CSMD3: variants seen among roughly 807,000 people sequenced by gnomAD.
CSMD3 encodes CUB and Sushi multiple domains 3.
Under a neutral mutation model 435.2 loss-of-function variants are expected in CSMD3, and 177 were observed. That is an observed-to-expected ratio of 0.41 (90% CI 0.36 to 0.46). CSMD3 has a LOEUF of 0.46. Among genes scored for constraint, CSMD3 ranks in the 20% least tolerant of loss-of-function variants. The probability of loss-of-function intolerance (pLI) is 0.34; values close to 1 mark genes in which losing one functional copy is unlikely to be tolerated. For synonymous variants in CSMD3, 1,656 were observed against 1,520.5 expected (o/e 1.09, Z -2.07); for missense variants, 4,265 against 4,504.6 (o/e 0.95, Z 1.52).
intron 35 of CSMD3, among the ~76,000 whole-genome samples, chr8:112,394,769 T>G (rs912697646): frequency 6.6e-6 from 1 of 152,352 alleles, no homozygotes; most frequent in East Asian, 1.9e-4. Flanking sequence ...AAGAATATAT[T>G]TCTTGATGAC....
chr8:112,731,215 C>G (rs1030217882), intron 13 of CSMD3, among the ~76,000 whole-genome samples: 21 of 152,054 alleles, frequency 1.4e-4, no homozygotes, highest in Admixed American at 6.6e-5. Context: ...TAGATCTACA[C>G]TAAAAGGAAA....
intron 4 of CSMD3, among the ~76,000 whole-genome samples, chr8:113,164,099 A>T (rs182713190): frequency 6.6e-6 from 1 of 152,040 alleles, no homozygotes. Context: ...GTGTAAGAAA[A>T]ATAAAAGCTA....
chr8:112,387,369 AAC>A (rs929160659), intron 36 of CSMD3, among the ~76,000 whole-genome samples: 5 of 152,110 alleles, frequency 3.3e-5, no homozygotes, highest in Non-Finnish European at 5.9e-5. Context: ...TATTTGGCCC[AAC>A]AGAGAAAAAT....
intron 13 of CSMD3, among the ~76,000 whole-genome samples, chr8:112,764,324 T>C (rs187245468): frequency 4.4e-4 from 67 of 151,566 alleles, no homozygotes; most frequent in Admixed American, 2.8e-3. Flanking sequence ...TATGATTCTT[T>C]GGAGTTTTAA....
At chr8:113,322,059 T>C (rs1490027610) in intron 1 of CSMD3, among the ~76,000 whole-genome samples, 2 of 151,912 alleles carry the variant, frequency 1.3e-5, no homozygotes, top group Non-Finnish European at 2.9e-5. Context: ...ACATGAAAAA[T>C]TTAATAATTA....
At chr8:112,364,986 A>G (rs1827625365) in intron 38 of CSMD3, among the ~76,000 whole-genome samples, 1 of 152,112 alleles carries the variant, frequency 6.6e-6, no homozygotes, top group African/African-American at 2.4e-5. Context: ...TCACAAGACT[A>G]TGTAACCAAT....
chr8:112,344,762 ATATAT>A (rs567581222), intron 41 of CSMD3, among the ~76,000 whole-genome samples: 15 of 152,286 alleles, frequency 9.8e-5, no homozygotes, highest in East Asian at 7.7e-4. Flanking sequence ...ATTAAATATG[ATATAT>A]TATGTAATGT....
intron 13 of CSMD3, among the ~76,000 whole-genome samples, chr8:112,756,289 G>T (rs942069712): frequency 6.6e-6 from 1 of 152,156 alleles, no homozygotes; most frequent in Non-Finnish European, 1.5e-5. Flanking sequence ...CCTACCAGGT[G>T]CTTGGACCAA....
At chr8:112,338,629 T>C (rs1824799455) in intron 42 of CSMD3, among the ~76,000 whole-genome samples, 1 of 151,326 alleles carries the variant, frequency 6.6e-6, no homozygotes, top group Non-Finnish European at 1.5e-5. Flanking sequence ...CGAAGTTAAA[T>C]AAACTATCCT....
At chr8:113,206,035 T>C (rs1161822240) in intron 3 of CSMD3, among the ~76,000 whole-genome samples, 3 of 152,154 alleles carry the variant, frequency 2.0e-5, no homozygotes, top group Non-Finnish European at 4.4e-5. Flanking sequence ...CCTTTGTTTA[T>C]ATGTTATCAA....
chr8:112,860,409 G>GA (rs751186178), intron 10 of CSMD3, among the ~76,000 whole-genome samples: 6 of 151,396 alleles, frequency 4.0e-5, no homozygotes, highest in East Asian at 1.9e-4. Context: ...ATTTTGTATA[G>GA]AAAAAATAAT....
At chr8:112,530,637 C>T (rs1043660108) in intron 27 of CSMD3, among the ~76,000 whole-genome samples, 1 of 152,096 alleles carries the variant, frequency 6.6e-6, no homozygotes, top group Middle Eastern at 3.2e-3. Context: ...AGGAGAAATG[C>T]CAAGAAAGTT....
intron 4 of CSMD3, among the ~76,000 whole-genome samples, chr8:113,115,855 C>A (rs535289510): frequency 6.6e-6 from 1 of 152,070 alleles, no homozygotes; most frequent in African/African-American, 2.4e-5. Flanking sequence ...GACAGGGGGC[C>A]CTTTTGTAGG....
chr8:113,213,389 C>A (rs547835919), intron 3 of CSMD3, among the ~76,000 whole-genome samples: 1 of 152,190 alleles, frequency 6.6e-6, no homozygotes, highest in Admixed American at 6.6e-5. Flanking sequence ...ACATATCACA[C>A]CTACTTGATG....
chr8:113,206,222 T>C (rs1424514262), intron 3 of CSMD3, among the ~76,000 whole-genome samples: 5 of 152,154 alleles, frequency 3.3e-5, no homozygotes, highest in African/African-American at 1.2e-4. Context: ...TTTATAGTTA[T>C]GCAGCAAATT....
chr8:112,289,723 T>G (rs1416260231), intron 56 of CSMD3, among the ~76,000 whole-genome samples, 185 bp from the exon 57 acceptor site: 1 of 152,124 alleles, frequency 6.6e-6, no homozygotes, highest in Non-Finnish European at 1.5e-5. Context: ...CTATAGCAGC[T>G]GTTCTGTTAA....
At chr8:113,057,937 C>A (rs1037902345) in intron 5 of CSMD3, among the ~76,000 whole-genome samples, 3 of 151,498 alleles carry the variant, frequency 2.0e-5, no homozygotes, top group African/African-American at 7.3e-5. Flanking sequence ...AAATAAAAGA[C>A]TAAAATAGAA....
chr8:112,309,214 T>C lies in CSMD3; in HGVS notation c.7885+1764A>G, dbSNP rs376569800. 4.6e-5 allele frequency among the ~76,000 whole-genome samples: 7 copies of C among 152,004 alleles called. No homozygotes were observed. In the East Asian group the frequency reaches 1.2e-3, roughly 25 times the overall value. ...TTCAATGAAATTGTAGCACTAATTC[T>C]ACAAAGCAATTTCAAAATTTCAGAA... On this transcript the variant is annotated intron_variant, in intron 50 of 70. Coordinates refer to ENST00000297405, the MANE Select transcript of CSMD3 (RefSeq NM_198123.2).
intron 32 of CSMD3, among the ~76,000 whole-genome samples, chr8:112,410,199 A>G (rs1832207608): frequency 6.6e-6 from 1 of 151,820 alleles, no homozygotes; most frequent in Non-Finnish European, 1.5e-5. Flanking sequence ...GCCTGTAAAA[A>G]TAAGCTGGTG....
Sources: gnomAD v4.1 joint callset for allele counts (sites outside exome capture counted in the v4.1 genomes callset) on GRCh38, gnomAD v4.1.1 for gene constraint, MANE v1.5 for transcripts, NCBI Gene and HGNC (gene_info 2026-07-23, HGNC 2026-07-21) for gene names.